The following LRRC7 variants were observed in gnomAD, a reference collection of about 807,000 sequenced individuals.
The protein encoded by LRRC7 is leucine rich repeat containing 7, also known as leucine-rich repeat-containing protein 7.
In LRRC7, 23 loss-of-function variants were observed where a neutral mutation model predicts 175.7. The ratio of observed to expected loss-of-function variants is 0.13; its 90% CI spans 0.09 to 0.19. The LOEUF is 0.19. Ranked by LOEUF, LRRC7 falls within the 10% of genes least tolerant of loss-of-function variation. LRRC7 has a pLI of 1.00. For synonymous variants in LRRC7, 685 were observed against 680.9 expected (o/e 1.01, Z -0.09); for missense variants, 1,354 against 1,904.7 (o/e 0.71, Z 5.38).
At chr1:69,988,736 G>T (rs1228727766) in intron 10 of LRRC7, among the ~76,000 whole-genome samples, 1 of 152,140 alleles carries the variant, frequency 6.6e-6, no homozygotes, top group Non-Finnish European at 1.5e-5. Flanking sequence ...TGACAAGCTG[G>T]CTTGGACTGA....
At chr1:70,020,875 T>A (rs1157006503) in intron 15 of LRRC7, 130 bp from the exon 16 acceptor site, 12 of 646,138 alleles carry the variant, frequency 1.9e-5, no homozygotes, top group Non-Finnish European at 2.5e-5. Context: ...TTCTCTTTCT[T>A]TTTTTCTTTC....
chr1:70,096,659 C>T (rs1010812918), intron 25 of LRRC7, among the ~76,000 whole-genome samples: 22 of 151,834 alleles, frequency 1.4e-4, no homozygotes, highest in Non-Finnish European at 2.8e-4. Context: ...TGACTCAGAA[C>T]GACTAACTTA....
chr1:70,028,398 A>G, intron 18 of LRRC7, 27 bp downstream of exon 18: 3 of 1,599,168 alleles, frequency 1.9e-6, no homozygotes, highest in Non-Finnish European at 2.6e-6. Flanking sequence ...GGTAATTGCC[A>G]GTGTGGTTTG....
At position 70,144,076 on chromosome 1, in the gene LRRC7, C is replaced by A. The variant is rs1471157857; in HGVS notation, c.*22189C>A. On this transcript the variant is annotated 3_prime_UTR_variant, in exon 27 of 27. Transcript: ENST00000651989. Reference sequence around the variant, plus strand: ...GAATCTATATTTTAAATTTACTGAACCAGTGAAATTAATTACTGTCAGTTA... The same window carrying A: ...GAATCTATATTTTAAATTTACTGAAACAGTGAAATTAATTACTGTCAGTTA... 1 of 151,982 alleles carries A rather than the reference C, an allele frequency of 6.6e-6. No homozygotes were observed. Among genetic ancestry groups the A allele is most frequent in the Non-Finnish European group, 1.5e-5 (1 of 68,004 alleles). The allele number at this position is 151,982 out of a possible 1,614,324, so 9.4% of individuals were successfully genotyped here. A position where few individuals can be genotyped will look rare whatever the true frequency, so the allele number is the denominator to read the frequency against.
rs568966334 is a variant in LRRC7 at position 69,916,318 on chromosome 1, G to T, written c.648-15189G>T. Among the ~76,000 whole-genome samples the T allele has an allele frequency of 5.1e-5, 7 of 136,448 alleles. No individual in the cohort carries two copies. The South Asian group carries it at 1.3e-3, about 26-fold the overall frequency. 89.5% of individuals were successfully genotyped at this position (136,448 alleles called of 152,430 possible). ...ATATATAAAACTATATATATATATA[G>T]TTTTGTTGTTGCACTTCAGATATTC... On this transcript the variant is annotated intron_variant, in intron 7 of 26. Coordinates refer to ENST00000651989, the MANE Select transcript of LRRC7 (RefSeq NM_001370785.2).
chr1:69,690,778 C>T (rs1477101130), intron 2 of LRRC7, among the ~76,000 whole-genome samples: 1 of 152,126 alleles, frequency 6.6e-6, no homozygotes, highest in Non-Finnish European at 1.5e-5. Context: ...ACCCTCAAAT[C>T]CATTTCCCCA....
At chr1:70,060,982 A>G (rs1334776867) in intron 23 of LRRC7, among the ~76,000 whole-genome samples, 2 of 152,206 alleles carry the variant, frequency 1.3e-5, no homozygotes, top group African/African-American at 4.8e-5. Flanking sequence ...TCCATAAGCA[A>G]ATGAGAACAA....
intron 5 of LRRC7, among the ~76,000 whole-genome samples, chr1:69,831,021 G>T (rs1008489427): frequency 1.3e-5 from 2 of 151,836 alleles, no homozygotes; most frequent in Non-Finnish European, 2.9e-5. Flanking sequence ...AAGCAAAAAA[G>T]AAGTATATTT....
At chr1:69,738,335 T>C (rs1421489564) in intron 2 of LRRC7, among the ~76,000 whole-genome samples, 1 of 152,086 alleles carries the variant, frequency 6.6e-6, no homozygotes, top group Non-Finnish European at 1.5e-5. Context: ...TGGTCTTGCC[T>C]TCTTATCATC....
At chr1:69,712,750 A>G (rs932059908) in intron 2 of LRRC7, among the ~76,000 whole-genome samples, 7 of 152,234 alleles carry the variant, frequency 4.6e-5, no homozygotes, top group Non-Finnish European at 8.8e-5. Flanking sequence ...CTCTTATAAA[A>G]GAATAATAAA....
intron 22 of LRRC7, among the ~76,000 whole-genome samples, chr1:70,046,008 A>G (rs1335655915): frequency 6.6e-6 from 1 of 152,118 alleles, no homozygotes; most frequent in Non-Finnish European, 1.5e-5. Context: ...AACCATATCA[A>G]ACCTTTAAAC....
intron 1 of LRRC7, among the ~76,000 whole-genome samples, chr1:69,608,866 C>G (rs4113456): frequency 7.3e-5 from 3 of 41,172 alleles, no homozygotes; most frequent in African/African-American, 3.5e-4. Flanking sequence ...CTCTCTCTCT[C>G]TATATATATA....
chr1:69,927,596 G>A (rs1421117629), intron 7 of LRRC7, among the ~76,000 whole-genome samples: 3 of 152,060 alleles, frequency 2.0e-5, no homozygotes, highest in Non-Finnish European at 4.4e-5. Flanking sequence ...CCAGTTGATT[G>A]CATCGGCTCT....
At chr1:69,760,677 A>T (rs1464917686) in intron 3 of LRRC7, among the ~76,000 whole-genome samples, 1 of 151,934 alleles carries the variant, frequency 6.6e-6, no homozygotes, top group Non-Finnish European at 1.5e-5. Context: ...TATAGAGTAG[A>T]GGGTTGAGAT....
intron 12 of LRRC7, among the ~76,000 whole-genome samples, chr1:70,012,723 G>A (rs1656623861): frequency 6.6e-6 from 1 of 151,040 alleles, no homozygotes; most frequent in Non-Finnish European, 1.5e-5. Flanking sequence ...AGTATTTTAA[G>A]CATAAAATTA....
intron 1 of LRRC7, among the ~76,000 whole-genome samples, chr1:69,661,676 A>G (rs545246317): frequency 9.7e-4 from 147 of 152,266 alleles, no homozygotes; most frequent in Middle Eastern, 3.4e-3. Context: ...GATAATCACC[A>G]TGGGTAGGAC....
chr1:69,643,755 A>C (rs1329803910), intron 1 of LRRC7, among the ~76,000 whole-genome samples: 1 of 152,086 alleles, frequency 6.6e-6, no homozygotes, highest in Non-Finnish European at 1.5e-5. Flanking sequence ...GAAATTCCAA[A>C]ATTGTATGAT....
chr1:69,597,202 A>G (rs1646877927), intron 1 of LRRC7, among the ~76,000 whole-genome samples: 1 of 152,142 alleles, frequency 6.6e-6, no homozygotes. Flanking sequence ...ACATAGTTTC[A>G]GTGTCTATAT....
chr1:70,003,164 G>T (rs938001734), intron 11 of LRRC7, among the ~76,000 whole-genome samples: 1 of 152,110 alleles, frequency 6.6e-6, no homozygotes, highest in Admixed American at 6.6e-5. Context: ...TGGGTTGGTT[G>T]TCGGAGGGAA....
Sources: allele counts gnomAD v4.1 joint callset (sites outside exome capture counted in the v4.1 genomes callset), GRCh38; gene constraint gnomAD v4.1.1; transcripts MANE v1.5; gene names NCBI Gene and HGNC (gene_info 2026-07-23, HGNC 2026-07-21).